DDX4: variants seen among roughly 807,000 people sequenced by gnomAD.
The protein encoded by DDX4 is probable ATP-dependent RNA helicase DDX4.
Under a neutral mutation model 100.0 loss-of-function variants are expected in DDX4, and 25 were observed. The observed-to-expected ratio is 0.25, with a 90% CI of 0.18 to 0.35. The LOEUF is 0.35. Among genes scored for constraint, DDX4 ranks in the 10% least tolerant of loss-of-function variants. The probability of loss-of-function intolerance (pLI) is 1.00; values close to 1 mark genes in which losing one functional copy is unlikely to be tolerated. For missense variants in DDX4, 635 were observed against 882.4 expected (o/e 0.72, Z 3.55); for synonymous variants, 259 against 275.7 (o/e 0.94, Z 0.60).
chr5:55,800,505 T>C (rs969813627), intron 18 of DDX4, among the ~76,000 whole-genome samples: 10 of 152,068 alleles, frequency 6.6e-5, no homozygotes, highest in Non-Finnish European at 1.3e-4. Flanking sequence ...TTTGTATTTT[T>C]AGTAAAGACA....
In DDX4 at chr5:55,784,952, T is replaced by G. The variant is rs145183227; in HGVS notation, c.626-345T>G. On this transcript the variant is annotated intron_variant, in intron 10 of 21. Coordinates refer to ENST00000505374, the MANE Select transcript of DDX4 (RefSeq NM_024415.3). ...AATCATAACCATGAGTATGACTATA[T>G]TCTGAGTCTGGTGAGTCTTCCTAGC... Among the ~76,000 whole-genome samples, 3 of 152,350 alleles carry G rather than the reference T, an allele frequency of 2.0e-5. No individual in the cohort carries two copies. The East Asian group carries it at 5.8e-4, about 29-fold the overall frequency.
intron 18 of DDX4, among the ~76,000 whole-genome samples, chr5:55,803,741 G>C (rs1743493220): frequency 1.3e-5 from 2 of 151,802 alleles, no homozygotes; most frequent in South Asian, 4.2e-4. Flanking sequence ...GGACATTTGG[G>C]TTGGTTCCAA....
intron 6 of DDX4, among the ~76,000 whole-genome samples, chr5:55,766,159 G>A (rs767865481): frequency 6.6e-6 from 1 of 151,646 alleles, no homozygotes; most frequent in Non-Finnish European, 1.5e-5. Context: ...ACTAATCTTG[G>A]TATCATTATC....
At chr5:55,788,400 C>A (rs533824980) in intron 15 of DDX4, among the ~76,000 whole-genome samples, 1 of 152,070 alleles carries the variant, frequency 6.6e-6, no homozygotes, top group South Asian at 2.1e-4. Context: ...TGTTTGAGTC[C>A]AGGAGTTTGA....
chr5:55,808,941 C>T lies in DDX4; in HGVS notation c.1616-4732C>T, dbSNP rs547826651. On this transcript the variant is annotated intron_variant, in intron 18 of 21. Coordinates refer to ENST00000505374, the MANE Select transcript of DDX4 (RefSeq NM_024415.3). ...GGAGTCTACAGAGGCAGGCAGGCCT[C>T]CCTGAGATGCGGTGGGCTCCACCCA... 9.8e-5 allele frequency among the ~76,000 whole-genome samples: 15 copies of T among 152,362 alleles called. No individual in the cohort carries two copies. The East Asian group carries it at 2.9e-3, about 29-fold the overall frequency.
chr5:55,803,956 T>C (rs1254186483), intron 18 of DDX4, among the ~76,000 whole-genome samples: 1 of 151,976 alleles, frequency 6.6e-6, no homozygotes, highest in African/African-American at 2.4e-5. Flanking sequence ...AAAGTGTTCC[T>C]ATTTCTCCAC....
chr5:55,763,741 C>T (rs1740714896), intron 5 of DDX4, among the ~76,000 whole-genome samples: 1 of 152,110 alleles, frequency 6.6e-6, no homozygotes, highest in Admixed American at 6.6e-5. Flanking sequence ...ACATATTCCT[C>T]TGTTTTGCCC....
At chr5:55,752,447 T>C (rs938647458) in intron 3 of DDX4, among the ~76,000 whole-genome samples, 2 of 148,258 alleles carry the variant, frequency 1.3e-5, no homozygotes, top group East Asian at 2.0e-4. Context: ...GGTTTTTTGT[T>C]CTTGAGATAG....
At chr5:55,745,941 C>G (rs1241412076) in intron 2 of DDX4, among the ~76,000 whole-genome samples, 3 of 152,070 alleles carry the variant, frequency 2.0e-5, no homozygotes, top group Non-Finnish European at 4.4e-5. Flanking sequence ...GTTTTCTGAC[C>G]ACTGTTCTAT....
At chr5:55,749,019 A>G (rs1759395803) in intron 3 of DDX4, among the ~76,000 whole-genome samples, 1 of 152,218 alleles carries the variant, frequency 6.6e-6, no homozygotes, top group Non-Finnish European at 1.5e-5. Flanking sequence ...ATCGTGTTAT[A>G]TCACATCTTG....
chr5:55,752,598 G>A (rs577924452), intron 3 of DDX4, among the ~76,000 whole-genome samples: 1 of 146,310 alleles, frequency 6.8e-6, no homozygotes, highest in African/African-American at 2.6e-5. Flanking sequence ...GGACATTTGG[G>A]TTGGTTCCAA....
At chr5:55,797,667 C>G (rs1031132203) in intron 17 of DDX4, among the ~76,000 whole-genome samples, 2 of 152,164 alleles carry the variant, frequency 1.3e-5, no homozygotes, top group Admixed American at 1.3e-4. Context: ...TTGGGCCTCC[C>G]CATTTATCCC....
At chr5:55,811,116 G>A (rs1212567701) in intron 18 of DDX4, among the ~76,000 whole-genome samples, 3 of 150,248 alleles carry the variant, frequency 2.0e-5, no homozygotes, top group African/African-American at 7.4e-5. Flanking sequence ...TTTATCCAGT[G>A]TAATGGCTCT....
chr5:55,790,744 C>CTT (rs750158240), intron 16 of DDX4, 39 bp downstream of exon 16: 42 of 1,596,186 alleles, frequency 2.6e-5, no homozygotes, highest in Non-Finnish European at 3.4e-6. Flanking sequence ...GAGATTGATA[C>CTT]TTTTTGTTTG....
intron 8 of DDX4, 76 bp from the exon 9 acceptor site, chr5:55,780,989 GA>G: frequency 7.6e-7 from 1 of 1,324,286 alleles, no homozygotes; most frequent in East Asian, 2.4e-5. Context: ...ACCATAACTT[GA>G]TTTTTTTCTG....
At chr5:55,742,979 CA>C (rs1490061588) in intron 2 of DDX4, among the ~76,000 whole-genome samples, 1 of 152,058 alleles carries the variant, frequency 6.6e-6, no homozygotes, top group East Asian at 1.9e-4. Context: ...ACATCAGGTG[CA>C]AAGGTTCTCA....
chr5:55,797,765 A>G (rs1339793459), intron 17 of DDX4, among the ~76,000 whole-genome samples: 1 of 152,206 alleles, frequency 6.6e-6, no homozygotes, highest in Non-Finnish European at 1.5e-5. Context: ...TGCAGCTGAT[A>G]GTGAGTTAAC....
At chr5:55,810,046 A>C (rs368140467) in intron 18 of DDX4, among the ~76,000 whole-genome samples, 37 of 152,086 alleles carry the variant, frequency 2.4e-4, no homozygotes, top group African/African-American at 4.8e-4. Flanking sequence ...CACACACACA[A>C]AAAATAGAGG....
At chr5:55,741,766 G>T (rs949002905) in intron 2 of DDX4, among the ~76,000 whole-genome samples, 1 of 151,834 alleles carries the variant, frequency 6.6e-6, no homozygotes, top group Non-Finnish European at 1.5e-5. Context: ...TCCAGCCTGG[G>T]CAATGGAGCA....
Sources: allele counts gnomAD v4.1 joint callset (sites outside exome capture counted in the v4.1 genomes callset), GRCh38; gene constraint gnomAD v4.1.1; transcripts MANE v1.5; gene names NCBI Gene and HGNC (gene_info 2026-07-23, HGNC 2026-07-21).